EDIL3: variants seen among roughly 807,000 people sequenced by gnomAD.
EDIL3 encodes the protein EGF-like repeat and discoidin I-like domain-containing protein 3.
A neutral mutation model predicts 67.4 loss-of-function variants in EDIL3; 37 were observed. That is an observed-to-expected ratio of 0.55 (90% confidence interval 0.42 to 0.72). The LOEUF (loss-of-function observed/expected upper bound fraction) is 0.72, where lower values mean the gene tolerates loss of function less well. Among genes scored for constraint, EDIL3 ranks in the 30% least tolerant of loss-of-function variants. The pLI is 0.00. For synonymous variants in EDIL3, 195 were observed against 196.3 expected, an observed-to-expected ratio of 0.99 and a Z score of 0.05; for missense variants, 527 against 586.3, an observed-to-expected ratio of 0.90 and a Z score of 1.04.
intron 1 of EDIL3, among the ~76,000 whole-genome samples, chr5:84,364,854 C>G (rs1012388295): frequency 5.9e-5 from 9 of 152,032 alleles, no homozygotes; most frequent in African/African-American, 1.7e-4. Context: ...AACTTTAATA[C>G]CTATTTTTTA....
At chr5:84,339,798 T>C (rs557647629) in intron 1 of EDIL3, among the ~76,000 whole-genome samples, 1 of 152,138 alleles carries the variant, frequency 6.6e-6, no homozygotes, top group East Asian at 1.9e-4. Context: ...AAGATAAGTC[T>C]AAGAATTCAG....
intron 3 of EDIL3, among the ~76,000 whole-genome samples, chr5:84,197,378 A>G (rs1211412197): frequency 6.6e-6 from 1 of 151,940 alleles, no homozygotes; most frequent in Non-Finnish European, 1.5e-5. Flanking sequence ...GCTGTTTAGG[A>G]AGGTGAGTTA....
intron 9 of EDIL3, among the ~76,000 whole-genome samples, chr5:84,011,614 A>C (rs1332460397): frequency 6.6e-6 from 1 of 152,180 alleles, no homozygotes; most frequent in African/African-American, 2.4e-5. Context: ...AAGGTGGCTA[A>C]GAATGGTCTG....
intron 4 of EDIL3, among the ~76,000 whole-genome samples, chr5:84,175,983 A>C (rs989024363): frequency 2.6e-5 from 4 of 151,832 alleles, no homozygotes; most frequent in Non-Finnish European, 2.9e-5. Flanking sequence ...AAAACAGCAA[A>C]TATCATTGAC....
At chr5:84,144,923 G>A (rs895125012) in intron 4 of EDIL3, among the ~76,000 whole-genome samples, 5 of 152,090 alleles carry the variant, frequency 3.3e-5, no homozygotes, top group African/African-American at 9.7e-5. Flanking sequence ...GCTTAGGTGA[G>A]ATAGGATTTG....
chr5:84,328,847 A>T (rs1221945696), intron 1 of EDIL3, among the ~76,000 whole-genome samples: 1 of 152,090 alleles, frequency 6.6e-6, no homozygotes, highest in Non-Finnish European at 1.5e-5. Context: ...AGATACTTGT[A>T]AGGCTTTTTA....
intron 4 of EDIL3, among the ~76,000 whole-genome samples, chr5:84,157,314 CT>C (rs1435547995): frequency 4.0e-5 from 6 of 151,808 alleles, no homozygotes; most frequent in African/African-American, 1.5e-4. Flanking sequence ...TACCCCTGAA[CT>C]TAAAATTAAA....
chr5:84,072,448 C>T (rs6891086), intron 6 of EDIL3, among the ~76,000 whole-genome samples: 1 of 151,998 alleles, frequency 6.6e-6, no homozygotes, highest in African/African-American at 2.4e-5. Context: ...AAATGTTGGA[C>T]TACACAATAT....
chr5:84,335,543 T>G (rs996665618), intron 1 of EDIL3, among the ~76,000 whole-genome samples: 1 of 152,204 alleles, frequency 6.6e-6, no homozygotes, highest in African/African-American at 2.4e-5. Flanking sequence ...AAGCAACTAC[T>G]TTAAGTCATG....
chr5:83,960,444 C>T (rs1433313655), intron 10 of EDIL3, among the ~76,000 whole-genome samples: 3 of 150,952 alleles, frequency 2.0e-5, no homozygotes, highest in East Asian at 1.9e-4. Flanking sequence ...ATCCCAATAA[C>T]GCTGATGTGA....
intron 4 of EDIL3, among the ~76,000 whole-genome samples, chr5:84,163,948 T>C (rs1032637351): frequency 1.3e-5 from 2 of 152,080 alleles, no homozygotes; most frequent in African/African-American, 4.8e-5. Flanking sequence ...GAATCATTTA[T>C]ACTAATACAT....
At chr5:83,969,753 A>G (rs189588707) in intron 9 of EDIL3, among the ~76,000 whole-genome samples, 2 of 151,992 alleles carry the variant, frequency 1.3e-5, no homozygotes, top group Admixed American at 6.6e-5. Context: ...TTACATTTAA[A>G]TACATTTTAT....
At chr5:83,949,750 G>A (rs1016599999) in intron 10 of EDIL3, among the ~76,000 whole-genome samples, 2 of 151,816 alleles carry the variant, frequency 1.3e-5, no homozygotes, top group East Asian at 3.9e-4. Flanking sequence ...AAAACCGTGT[G>A]TAATACGAGT....
intron 1 of EDIL3, among the ~76,000 whole-genome samples, chr5:84,372,893 ACAGT>A (rs1747884814): frequency 6.6e-6 from 1 of 152,172 alleles, no homozygotes; most frequent in African/African-American, 2.4e-5. Context: ...TAGGATGAAG[ACAGT>A]CAAAGAGAAT....
intron 3 of EDIL3, among the ~76,000 whole-genome samples, chr5:84,208,689 A>G (rs1294902599): frequency 1.8e-5 from 2 of 113,450 alleles, no homozygotes; most frequent in African/African-American, 3.4e-5. Context: ...CCGTCTCAAA[A>G]AAAAAAAAAA....
At chr5:84,086,638 T>C (rs1747077942) in intron 6 of EDIL3, among the ~76,000 whole-genome samples, 1 of 152,154 alleles carries the variant, frequency 6.6e-6, no homozygotes, top group Non-Finnish European at 1.5e-5. Flanking sequence ...TTTTTTACAC[T>C]TAAGAAATTG....
At chr5:84,031,203 T>C (rs1166451501) in intron 9 of EDIL3, among the ~76,000 whole-genome samples, 2 of 152,154 alleles carry the variant, frequency 1.3e-5, no homozygotes, top group African/African-American at 4.8e-5. Context: ...CTGAGATAGT[T>C]GGGGTTAGGA....
At chr5:84,216,086 AT>A (rs1744219978) in intron 3 of EDIL3, among the ~76,000 whole-genome samples, 2 of 152,288 alleles carry the variant, frequency 1.3e-5, no homozygotes, top group South Asian at 4.1e-4. Flanking sequence ...GTTTGGATAT[AT>A]TTTTTAAATG....
chr5:84,176,771 GCC>G (rs1748923869), intron 4 of EDIL3, among the ~76,000 whole-genome samples: 1 of 148,704 alleles, frequency 6.7e-6, no homozygotes, highest in African/African-American at 2.5e-5. Context: ...GTGTGTGTGT[GCC>G]TGTGTGTGAG....
Sources: allele counts gnomAD v4.1 joint callset (sites outside exome capture counted in the v4.1 genomes callset), GRCh38; gene constraint gnomAD v4.1.1; transcripts MANE v1.5; gene names NCBI Gene and HGNC (gene_info 2026-07-23, HGNC 2026-07-21).